Variants in NUP58 observed in about 807,000 individuals in gnomAD.
The protein encoded by NUP58 is nucleoporin 58, also known as nucleoporin p58/p45.
In NUP58, 17 loss-of-function variants were observed where a neutral mutation model predicts 70.1. That is an observed-to-expected ratio of 0.24 (90% CI 0.17 to 0.36). The LOEUF is 0.36. NUP58 is among the 10% of genes least tolerant of loss of function. NUP58 has a pLI of 1.00. For synonymous variants in NUP58, 275 were observed against 257.6 expected, an observed-to-expected ratio of 1.07 and a Z score of -0.65; for missense variants, 644 against 701.5, an observed-to-expected ratio of 0.92 and a Z score of 0.93.
chr13:25,326,904 T>C lies in NUP58; in HGVS notation c.1032-12T>C. On this transcript the variant is annotated splice_polypyrimidine_tract_variant and intron_variant, in intron 10 of 15. Coordinates refer to ENST00000381736, the MANE Select transcript of NUP58 (RefSeq NM_014089.4). Reference sequence around the variant, plus strand: ...AAAATATTTGATCTGACTTTTTAAATGTTTTTTAAAGCTACTTCAGAATCT... The same window carrying C: ...AAAATATTTGATCTGACTTTTTAAACGTTTTTTAAAGCTACTTCAGAATCT... The C allele has an allele frequency of 6.9e-7, 1 of 1,455,390 alleles. No individual in the cohort carries two copies. Among genetic ancestry groups the C allele is most frequent in the Non-Finnish European group, 9.5e-7 (1 of 1,057,142 alleles). The allele number at this position is 1,455,390 out of a possible 1,614,324, so 90.2% of individuals were successfully genotyped here. A position where few individuals can be genotyped will look rare whatever the true frequency, so the allele number is the denominator to read the frequency against.
At chr13:25,331,597 A>G (rs2031609412) in intron 13 of NUP58, 39 bp downstream of exon 13, 3 of 1,594,128 alleles carry the variant, frequency 1.9e-6, no homozygotes, top group Non-Finnish European at 2.6e-6. Flanking sequence ...TACTGTTCCA[A>G]TGCAGAACAT....
rs769966552 is a variant in NUP58, at chr13:25,307,998, T to C, written c.250+50T>C. ...CAGAGAGTAGGCTTGGGATATTCTT[T>C]CCTAAATTGTGTCCTGTATCTCTCT... On this transcript the variant is annotated intron_variant, in intron 2 of 15. Transcript: ENST00000381736. 2.1e-5 allele frequency: 34 copies of C among 1,599,204 alleles called. 1 individual carries two copies. In the East Asian group the frequency reaches 6.0e-4, roughly 28 times the overall value.
At chr13:25,325,664 G>A (rs748604678) in intron 10 of NUP58, among the ~76,000 whole-genome samples, 1 of 152,140 alleles carries the variant, frequency 6.6e-6, no homozygotes, top group Non-Finnish European at 1.5e-5. Flanking sequence ...CAGTTTTAGC[G>A]ATAAAGAGAC....
chr13:25,312,156 A>G (rs1009384912), intron 3 of NUP58, among the ~76,000 whole-genome samples: 54 of 152,248 alleles, frequency 3.5e-4, no homozygotes, highest in African/African-American at 1.3e-3. Flanking sequence ...GAGCTACAGA[A>G]AAAAAGGACT....
intron 15 of NUP58, chr13:25,339,024 A>C (rs561678026): frequency 4.9e-6 from 1 of 204,664 alleles, no homozygotes; most frequent in Admixed American, 5.8e-5. Flanking sequence ...TGGTTAAATA[A>C]TTTTCTTCAT....
At chr13:25,324,686 T>C (rs1046755626) in intron 9 of NUP58, among the ~76,000 whole-genome samples, 12 of 152,210 alleles carry the variant, frequency 7.9e-5, no homozygotes, top group Admixed American at 1.3e-4. Context: ...TATTAATGAT[T>C]TTAAGTAGTA....
chr13:25,333,682 G>C, intron 13 of NUP58: 5 of 985,308 alleles, frequency 5.1e-6, no homozygotes, highest in Non-Finnish European at 6.0e-6. Flanking sequence ...AGATTTCTGA[G>C]CTCTGTTAGA....
intron 3 of NUP58, 45 bp from the exon 4 acceptor site, chr13:25,312,838 G>T: frequency 6.5e-7 from 1 of 1,542,620 alleles, no homozygotes; most frequent in Non-Finnish European, 8.8e-7. Context: ...TACAGGTAAA[G>T]TAGGATTTTT....
intron 9 of NUP58, among the ~76,000 whole-genome samples, chr13:25,324,529 C>T (rs2031316005): frequency 6.6e-6 from 1 of 151,986 alleles, no homozygotes; most frequent in African/African-American, 2.4e-5. Context: ...AGAAACATTC[C>T]CTACATTGTA....
At chr13:25,312,241 GA>G in intron 3 of NUP58, among the ~76,000 whole-genome samples, 1 of 152,174 alleles carries the variant, frequency 6.6e-6, no homozygotes, top group Non-Finnish European at 1.5e-5. Context: ...AATGGTTATT[GA>G]TAGAGTATTA....
intron 10 of NUP58, among the ~76,000 whole-genome samples, chr13:25,326,208 C>G (rs2031388193): frequency 6.6e-6 from 1 of 152,210 alleles, no homozygotes; most frequent in African/African-American, 2.4e-5. Flanking sequence ...TGGACTTCCT[C>G]TACTATTTTA....
At chr13:25,327,327 C>T (rs1282777487) in intron 11 of NUP58, 103 bp from the exon 12 acceptor site, 4 of 661,674 alleles carry the variant, frequency 6.0e-6, no homozygotes, top group Non-Finnish European at 1.0e-5. Context: ...TTTTTTTCTC[C>T]TACACGTTAA....
chr13:25,325,195 G>A, intron 10 of NUP58, 127 bp downstream of exon 10: 3 of 642,444 alleles, frequency 4.7e-6, no homozygotes, highest in Non-Finnish European at 7.9e-6. Flanking sequence ...CACTTTACAT[G>A]GATTTTAAAT....
chr13:25,327,149 A>G, intron 11 of NUP58, 115 bp downstream of exon 11: 4 of 630,756 alleles, frequency 6.3e-6, no homozygotes, highest in South Asian at 4.8e-5. Flanking sequence ...AATTTCCTTA[A>G]AAGTCATTTA....
chr13:25,302,895 C>T (rs1406154510), intron 1 of NUP58: 3 of 450,184 alleles, frequency 6.7e-6, no homozygotes, highest in Non-Finnish European at 1.3e-5. Context: ...GATAATGTTA[C>T]TTCTGCCATT....
Position 25,321,036 on chromosome 13 carries a change from C to T in NUP58, c.894C>T (p.Ala298=). 1 of 1,599,694 alleles carries T rather than the reference C, an allele frequency of 6.3e-7. No individual in the cohort carries two copies. The highest frequency in any genetic ancestry group is 8.5e-7 in the Non-Finnish European group (1 of 1,174,890). Residue 298 remains alanine (A), a synonymous_variant, in exon 9 of 16, where the codon GCC becomes GCT. Coordinates refer to ENST00000381736, the MANE Select transcript of NUP58 (RefSeq NM_014089.4). ...KALKQLLSLA[A]NGIQRNTLNI... ...TGAAGCAGCTCCTGTCGTTGGCTGC[C>T]AATGGAATACAGAGAAACACTCTCA...
chr13:25,317,645 A>G (rs1001933542), intron 6 of NUP58: 4 of 152,038 alleles, frequency 2.6e-5, no homozygotes, highest in Middle Eastern at 3.2e-3. Flanking sequence ...TTGGAGAAAC[A>G]TAAAATGAAA....
At chr13:25,328,894 G>A (rs2031503988) in intron 12 of NUP58, among the ~76,000 whole-genome samples, 1 of 152,124 alleles carries the variant, frequency 6.6e-6, no homozygotes, top group African/African-American at 2.4e-5. Flanking sequence ...GTGTAGAATA[G>A]AGTTTAATTG....
At position 25,319,317 on chromosome 13, in the gene NUP58, A is replaced by T. The variant is rs1250454627; in HGVS notation, c.686-9A>T. ...ATTTTTTTTACGTGAAGCTTCTTGA[A>T]TTTTCTAGGTGATAAAACGGGAACA... is the stretch of plus-strand genomic sequence containing the variant. On this transcript the variant is annotated splice_polypyrimidine_tract_variant and intron_variant, in intron 6 of 15. Coordinates refer to ENST00000381736, the MANE Select transcript of NUP58 (RefSeq NM_014089.4). 4.3e-6 allele frequency: 7 copies of T among 1,612,436 alleles called. No individual in the cohort carries two copies. The highest frequency in any genetic ancestry group is 5.9e-6 in the Non-Finnish European group (7 of 1,179,002).
Sources: gnomAD v4.1 joint callset for allele counts (sites outside exome capture counted in the v4.1 genomes callset) on GRCh38, gnomAD v4.1.1 for gene constraint, MANE v1.5 for transcripts, NCBI Gene and HGNC (gene_info 2026-07-23, HGNC 2026-07-21) for gene names.